AK9: variants seen among roughly 807,000 people sequenced by gnomAD.
AK9 encodes the protein adenylate kinase domain containing 1.
AK9 carries 191 observed loss-of-function variants against 239.6 expected under a neutral mutation model. The ratio of observed to expected loss-of-function variants is 0.80; its 90% CI spans 0.71 to 0.90. AK9 has a LOEUF of 0.90. AK9 is among the 40% of genes least tolerant of loss of function. The pLI is 0.00. For missense variants in AK9, 1,995 were observed against 2,214.7 expected (o/e 0.90, Z 1.99); for synonymous variants, 689 against 721.0 (o/e 0.96, Z 0.71).
At chr6:109,660,564 C>T (rs1800286764) in intron 6 of AK9, among the ~76,000 whole-genome samples, 1 of 152,182 alleles carries the variant, frequency 6.6e-6, no homozygotes, top group African/African-American at 2.4e-5. Flanking sequence ...GTTAGGCTTC[C>T]TAATTTTTCA....
chr6:109,617,926 T>G (rs1794371163), intron 13 of AK9, among the ~76,000 whole-genome samples: 1 of 152,154 alleles, frequency 6.6e-6, no homozygotes, highest in African/African-American at 2.4e-5. Flanking sequence ...CCCTCTGAGT[T>G]TCTTCAACCA....
chr6:109,662,523 C>A (rs368275383), intron 6 of AK9, 28 bp downstream of exon 6: 1 of 1,463,336 alleles, frequency 6.8e-7, no homozygotes, highest in Non-Finnish European at 9.1e-7. Flanking sequence ...ATGGTTTACT[C>A]TACTAGCAAA....
chr6:109,512,752 C>T (rs555115381), intron 32 of AK9, among the ~76,000 whole-genome samples: 2 of 152,188 alleles, frequency 1.3e-5, no homozygotes, highest in African/African-American at 4.8e-5. Context: ...TCTTGAAATA[C>T]TACAACCAAC....
chr6:109,518,973 T>G (rs2128119790), intron 29 of AK9, among the ~76,000 whole-genome samples: 1 of 152,230 alleles, frequency 6.6e-6, no homozygotes, highest in Non-Finnish European at 1.5e-5. Context: ...ACCCTCCTCC[T>G]TCTAGGTGTT....
At chr6:109,597,590 G>C (rs921748129) in intron 17 of AK9, among the ~76,000 whole-genome samples, 1 of 152,028 alleles carries the variant, frequency 6.6e-6, no homozygotes, top group Non-Finnish European at 1.5e-5. Flanking sequence ...GGAGAATGGT[G>C]TGAACCTGGG....
At chr6:109,611,330 G>T (rs1486414134) in intron 16 of AK9, among the ~76,000 whole-genome samples, 1 of 152,174 alleles carries the variant, frequency 6.6e-6, no homozygotes, top group African/African-American at 2.4e-5. Context: ...AAGAACCCAT[G>T]ATCTTACTGT....
chr6:109,516,012 C>T lies in AK9; in HGVS notation c.3910G>A (p.Val1304Ile). ...SINGARRNHIVQYTLNMKLKP... is the reference protein window; with the variant it reads ...SINGARRNHIIQYTLNMKLKP... ...AGTTTCATATTCAATGTATATTGTA[C>T]AATGTGATTTCTCCGAGCTCCATTA... Residue 1304 changes from valine to isoleucine, a missense_variant, in exon 31 of 41, where the codon GTA becomes ATA. Val to Ile is a conservative substitution (Grantham distance 29, BLOSUM62 3). Transcript: ENST00000424296. The T allele has an allele frequency of 6.4e-7, 1 of 1,551,254 alleles. No individual in the cohort carries two copies. Among genetic ancestry groups the T allele is most frequent in the South Asian group, 1.2e-5 (1 of 84,046 alleles).
chr6:109,641,351 TTTTTTTTTTTTTTTTTTG>T (rs1797413122), intron 10 of AK9, among the ~76,000 whole-genome samples, 149 bp downstream of exon 10: 1 of 128,376 alleles, frequency 7.8e-6, no homozygotes, highest in African/African-American at 2.9e-5. Flanking sequence ...CTTTCTTTCT[TTTTTTTTTTTTTTTTTTG>T]TAGAGATGGG....
intron 17 of AK9, among the ~76,000 whole-genome samples, chr6:109,602,403 C>T (rs1792147374): frequency 6.6e-6 from 1 of 152,170 alleles, no homozygotes; most frequent in Non-Finnish European, 1.5e-5. Flanking sequence ...ATATTGGCCC[C>T]CACTCTCTTC....
At chr6:109,657,011 A>C (rs1799783472) in intron 7 of AK9, 127 bp from the exon 8 acceptor site, 1 of 1,081,560 alleles carries the variant, frequency 9.2e-7, no homozygotes, top group South Asian at 1.5e-5. Context: ...GGACGATTAA[A>C]GATTAAGGAT....
chr6:109,538,974 G>A (rs1030311701), intron 27 of AK9, among the ~76,000 whole-genome samples: 2 of 152,136 alleles, frequency 1.3e-5, no homozygotes, highest in Non-Finnish European at 2.9e-5. Context: ...CGAGAGATCC[G>A]CTGTTAGTCT....
intron 12 of AK9, among the ~76,000 whole-genome samples, chr6:109,629,726 G>A (rs1308360545): frequency 2.6e-5 from 4 of 151,536 alleles, no homozygotes; most frequent in Admixed American, 6.6e-5. Flanking sequence ...TCCGCCTCCC[G>A]GGTTCACGCC....
intron 27 of AK9, among the ~76,000 whole-genome samples, chr6:109,538,522 T>C (rs1341471015): frequency 6.6e-6 from 1 of 152,144 alleles, no homozygotes; most frequent in Non-Finnish European, 1.5e-5. Flanking sequence ...ATGGGTCTCC[T>C]GAATACAGCA....
intron 35 of AK9, among the ~76,000 whole-genome samples, chr6:109,505,033 C>T (rs1441601416): frequency 6.6e-6 from 1 of 152,160 alleles, no homozygotes; most frequent in Non-Finnish European, 1.5e-5. Context: ...CGATCCCATC[C>T]AGAGCTTATT....
In AK9 at chr6:109,668,908, A is replaced by C. The variant is rs1234282556; in HGVS notation, c.331+3011T>G. Among the ~76,000 whole-genome samples the C allele has an allele frequency of 2.3e-5, 2 of 88,620 alleles. 1 individual carries two copies. Among genetic ancestry groups the C allele is most frequent in the East Asian group, 1.4e-3 (2 of 1,392 alleles). 58.1% of individuals were successfully genotyped at this position (88,620 alleles called of 152,430 possible). A position where few individuals can be genotyped will look rare whatever the true frequency, so the allele number is the denominator to read the frequency against. On this transcript the variant is annotated intron_variant, in intron 5 of 40. Coordinates refer to ENST00000424296, the MANE Select transcript of AK9 (RefSeq NM_001145128.3). ...TCTTTTTTGGTTCCATATGAACTTT[A>C]AAGTAGTTTTTTCCAATTCTGTGAA... is the stretch of plus-strand genomic sequence containing the variant.
At chr6:109,650,289 T>C (rs1798734475) in intron 8 of AK9, among the ~76,000 whole-genome samples, 1 of 151,414 alleles carries the variant, frequency 6.6e-6, no homozygotes, top group Admixed American at 6.6e-5. Context: ...ACCATCAGAG[T>C]GAACAGGCAA....
chr6:109,550,039 T>C (rs1386128522), intron 25 of AK9, 51 bp downstream of exon 25: 1 of 1,564,586 alleles, frequency 6.4e-7, no homozygotes, highest in Admixed American at 1.8e-5. Context: ...TGGTAATCAG[T>C]CCCAAAAAAA....
intron 38 of AK9, among the ~76,000 whole-genome samples, chr6:109,496,866 ACTTACAATCAG>A (rs1777088824): frequency 6.6e-6 from 1 of 152,038 alleles, no homozygotes. Context: ...CACGGACCTC[ACTTACAATCAG>A]TCAATGTGCT....
At position 109,506,536 on chromosome 6, in the gene AK9, G is replaced by T; in HGVS notation, c.4640C>A (p.Pro1547Gln). The T allele has an allele frequency of 6.3e-7, 1 of 1,584,074 alleles. No individual in the cohort carries two copies. Among genetic ancestry groups the T allele is most frequent in the South Asian group, 1.1e-5 (1 of 88,784 alleles). ...TACAATTTGTGCACTATTGTGCAAT[G>T]GATAAGGCAATCTAATAGGGAAACA... ...EKENEQRLPYPLHNSAQIVAV... is the reference protein window; with the variant it reads ...EKENEQRLPYQLHNSAQIVAV... The change falls in exon 35 of 41, where the codon CCA becomes CAA. Residue 1547 changes from proline to glutamine, a missense_variant. This residue lies in a region of AK9 where 391 missense variants were observed against 456.0 expected (regional missense o/e 0.86). Transcript: ENST00000424296.
Sources: allele counts gnomAD v4.1 joint callset (sites outside exome capture counted in the v4.1 genomes callset), GRCh38; gene constraint gnomAD v4.1.1; regional missense constraint gnomAD v4.1.1; transcripts MANE v1.5; gene names NCBI Gene and HGNC (gene_info 2026-07-23, HGNC 2026-07-21).